ABAT: variants seen among roughly 807,000 people sequenced by gnomAD.
The protein encoded by ABAT is 4-aminobutyrate aminotransferase, mitochondrial.
In ABAT, 45 loss-of-function variants were observed where a neutral mutation model predicts 64.6. The observed-to-expected ratio is 0.70, with a 90% CI of 0.55 to 0.89. ABAT has a LOEUF of 0.89. ABAT is among the 40% of genes least tolerant of loss of function. The probability of loss-of-function intolerance (pLI) is 0.00; values close to 1 mark genes in which losing one functional copy is unlikely to be tolerated. For synonymous variants in ABAT, 297 were observed against 250.5 expected, an observed-to-expected ratio of 1.19 and a Z score of -1.75; for missense variants, 633 against 658.4, an observed-to-expected ratio of 0.96 and a Z score of 0.42.
At chr16:8,730,811 T>G (rs1476872221) in intron 1 of ABAT, among the ~76,000 whole-genome samples, 5 of 152,186 alleles carry the variant, frequency 3.3e-5, no homozygotes, top group Non-Finnish European at 5.9e-5. Context: ...AAGCCAGGAC[T>G]CCTGAGCCAG....
At chr16:8,768,525 G>A (rs753344688) in intron 10 of ABAT, among the ~76,000 whole-genome samples, 6 of 152,122 alleles carry the variant, frequency 3.9e-5, no homozygotes, top group African/African-American at 7.2e-5. Flanking sequence ...GTGATTAATC[G>A]CAATGCAAAC....
At position 8,696,279 on chromosome 16, in the gene ABAT, CA is replaced by C. The variant is rs762222496; in HGVS notation, c.-42+21569del. ...TTAAAGAAGGGCCAGGGTGACTGTG[CA>C]GGGGGACCCTGGGGAAGAAGGCTGA... On this transcript the variant is annotated intron_variant, in intron 1 of 15. Transcript: ENST00000268251. Among the ~76,000 whole-genome samples, 31 of 152,126 alleles carry C rather than the reference CA, an allele frequency of 2.0e-4. 1 individual carries two copies. The highest frequency in any genetic ancestry group is 3.1e-4 in the Non-Finnish European group (21 of 68,006).
intron 1 of ABAT, among the ~76,000 whole-genome samples, chr16:8,674,944 T>C (rs1730962): frequency 0.088 from 13,416 of 152,194 alleles, 750 homozygotes; most frequent in Middle Eastern, 0.13. Flanking sequence ...GCTCCAGCTC[T>C]AGACAGAAGT....
Position 8,777,131 on chromosome 16 carries a change from C to T in ABAT, c.1269+641C>T, listed in dbSNP as rs143545926. Reference sequence around the variant, plus strand: ...GGCCAGGCTGGTCTCGAACCCCCGACCTCAGGTGATCCGCTTGCCTCAGCC... The same window carrying T: ...GGCCAGGCTGGTCTCGAACCCCCGATCTCAGGTGATCCGCTTGCCTCAGCC... On this transcript the variant is annotated intron_variant, in intron 14 of 15. Coordinates refer to ENST00000268251, the MANE Select transcript of ABAT (RefSeq NM_020686.6). Among the ~76,000 whole-genome samples, 405 of 152,178 alleles carry T rather than the reference C, an allele frequency of 2.7e-3. 3 individuals carry two copies. Among genetic ancestry groups the T allele is most frequent in the Admixed American group, 0.018 (270 of 15,274 alleles).
chr16:8,679,988 C>A (rs1423880019), intron 1 of ABAT, among the ~76,000 whole-genome samples: 2 of 152,154 alleles, frequency 1.3e-5, no homozygotes, highest in African/African-American at 4.8e-5. Flanking sequence ...TCTAATTACA[C>A]ATCCCTTCAA....
intron 1 of ABAT, chr16:8,722,788 C>G (rs753054749): frequency 3.4e-5 from 44 of 1,288,014 alleles, no homozygotes; most frequent in Non-Finnish European, 4.4e-5. Context: ...CAGGGTCTAG[C>G]GGATTGCAAA....
At position 8,781,336 on chromosome 16, in the gene ABAT, A is replaced by C; in HGVS notation, c.1409A>C (p.Lys470Thr). ...GTGGTGTTGGGTGGCTGTGGTGACA[A>C]ATCCATTCGTTTCCGTCCCACGCTG... ...KGVVLGGCGDKSIRFRPTLVF... is the reference protein window; with the variant it reads ...KGVVLGGCGDTSIRFRPTLVF... The change falls in exon 16 of 16, where the codon AAA becomes ACA. Residue 470 changes from lysine (K) to threonine (T), a missense_variant. Lys to Thr is a moderately conservative substitution (Grantham distance 78). Coordinates refer to ENST00000268251, the MANE Select transcript of ABAT (RefSeq NM_020686.6). This position sits in a 1 kb window ranked among gnomAD's most constrained non-coding sequence, Gnocchi z 4.5. 1.9e-6 allele frequency: 3 copies of C among 1,614,082 alleles called. No individual in the cohort carries two copies. The highest frequency in any genetic ancestry group is 2.5e-6 in the Non-Finnish European group (3 of 1,180,010).
chr16:8,764,739 T>C lies in ABAT; in HGVS notation c.449T>C (p.Val150Ala). The change falls in exon 8 of 16, where the codon GTG becomes GCG. Residue 150 changes from valine to alanine, a missense_variant and splice_region_variant. By Grantham distance (64) the Val-to-Ala change is moderately conservative. Coordinates refer to ENST00000268251, the MANE Select transcript of ABAT (RefSeq NM_020686.6). The surrounding 1 kb of genome is among the most constrained non-coding windows in gnomAD (Gnocchi z 4.2). ...TCACGGCTATTTCCCTCCCCACAGG[T>C]GGCTCCCAAAGGGATGTCCCAGCTC... Reference protein sequence around the residue: ...VEKLRQSLLSVAPKGMSQLIT... With the variant: ...VEKLRQSLLSAAPKGMSQLIT... 4 of 1,613,978 alleles carry C rather than the reference T, an allele frequency of 2.5e-6. No homozygotes were observed. Among genetic ancestry groups the C allele is most frequent in the Non-Finnish European group, 3.4e-6 (4 of 1,179,930 alleles).
Position 8,782,964 on chromosome 16 carries a change from A to G in ABAT, c.*1534A>G, listed in dbSNP as rs2060474345. 1 of 152,074 alleles carries G rather than the reference A, an allele frequency of 6.6e-6. No individual in the cohort carries two copies. Among genetic ancestry groups the G allele is most frequent in the African/African-American group, 2.4e-5 (1 of 41,414 alleles). The allele number at this position is 152,074 out of a possible 1,614,324, so 9.4% of individuals were successfully genotyped here. ...TTTTTTTTAGCTTCCACTCTTCCGC[A>G]GACTTGGTCATCGACCTATTTTTGT... On this transcript the variant is annotated 3_prime_UTR_variant, in exon 16 of 16. Transcript: ENST00000268251.
chr16:8,722,785 T>C, intron 1 of ABAT: 1 of 1,288,414 alleles, frequency 7.8e-7, no homozygotes, highest in Non-Finnish European at 1.0e-6. Flanking sequence ...ATCCAGGGTC[T>C]AGCGGATTGC....
chr16:8,764,123 G>A lies in ABAT; in HGVS notation c.421G>A (p.Glu141Lys), dbSNP rs2059875175. 1.2e-6 allele frequency: 2 copies of A among 1,613,642 alleles called. No homozygotes were observed. Among genetic ancestry groups the A allele is most frequent in the Non-Finnish European group, 1.7e-6 (2 of 1,179,982 alleles). ...LGILPPENFV[E>K]KLRQSLLSVA... The stretch of plus-strand genomic sequence containing the variant: ...AATCCTGCCTCCGGAGAACTTTGTG[G>A]AGAAGCTCCGGCAGTCCTTGCTCTC... Residue 141 changes from glutamate to lysine, a missense_variant, in exon 7 of 16, where the codon GAG becomes AAG. Physicochemically the swap from Glu to Lys is moderately conservative, Grantham distance 56. Coordinates refer to ENST00000268251, the MANE Select transcript of ABAT (RefSeq NM_020686.6). This position sits in a 1 kb window ranked among gnomAD's most constrained non-coding sequence, Gnocchi z 4.2.
chr16:8,713,508 C>G (rs1176838178), intron 1 of ABAT: 1 of 199,632 alleles, frequency 5.0e-6, no homozygotes, highest in Non-Finnish European at 1.0e-5. Flanking sequence ...CTGTTTCTGT[C>G]TGAAAACCCT....
chr16:8,735,236 G>T (rs1004805715), intron 1 of ABAT, among the ~76,000 whole-genome samples: 44 of 150,752 alleles, frequency 2.9e-4, no homozygotes, highest in Non-Finnish European at 5.9e-4. Flanking sequence ...TTTTGGGTTG[G>T]TTTTTTTTGT....
At position 8,757,357 on chromosome 16, in the gene ABAT, G is replaced by A. The variant is rs111783567; in HGVS notation, c.317-400G>A. 40 of 359,114 alleles carry A rather than the reference G, an allele frequency of 1.1e-4. 1 individual carries two copies. Among genetic ancestry groups the A allele is most frequent in the African/African-American group, 6.6e-4 (31 of 46,884 alleles). The allele number at this position is 359,114 out of a possible 1,614,324, so 22.2% of individuals were successfully genotyped here. ...TAATTTTTGTATTTTTAGTAGAGAC[G>A]GGGATTCACCATGTTGGCCAGGCTG... On this transcript the variant is annotated intron_variant, in intron 5 of 15. Transcript: ENST00000268251.
At chr16:8,735,557 G>C (rs2058897640) in intron 1 of ABAT, 142 bp from the exon 2 acceptor site, 1 of 754,748 alleles carries the variant, frequency 1.3e-6, no homozygotes, top group Non-Finnish European at 2.2e-6. Flanking sequence ...AATATATAAA[G>C]TCCATGTTCA....
chr16:8,773,027 C>G, intron 12 of ABAT, 110 bp downstream of exon 12: 6 of 1,445,134 alleles, frequency 4.2e-6, no homozygotes, highest in Non-Finnish European at 5.8e-6. Context: ...AATCTCCAGA[C>G]TTGCAGAGGC....
chr16:8,763,034 C>T (rs902683916), intron 6 of ABAT, among the ~76,000 whole-genome samples: 1 of 149,050 alleles, frequency 6.7e-6, no homozygotes, highest in African/African-American at 2.5e-5. Flanking sequence ...ACTTGAGTCT[C>T]GGAGGTTGAG....
At position 8,779,705 on chromosome 16, in the gene ABAT, G is replaced by C. The variant is rs2060376501; in HGVS notation, c.1381+115G>C. 11 of 795,820 alleles carry C rather than the reference G, an allele frequency of 1.4e-5. No individual in the cohort carries two copies. The South Asian group carries it at 1.4e-4, about 10-fold the overall frequency. 49.3% of individuals were successfully genotyped at this position (795,820 alleles called of 1,614,324 possible). ...TTGTGTGGGGGGCAGGTGGTACACA[G>C]GTCTGAAAAGAGCCTGAATGCTCTT... On this transcript the variant is annotated intron_variant, in intron 15 of 15. Transcript: ENST00000268251.
At chr16:8,683,260 C>G (rs12921061) in intron 1 of ABAT, 1 of 152,828 alleles carries the variant, frequency 6.5e-6, no homozygotes, top group East Asian at 1.9e-4. Context: ...ATCCACTGAG[C>G]AGGGCGGCAC....
Sources: allele counts gnomAD v4.1 joint callset (sites outside exome capture counted in the v4.1 genomes callset), GRCh38; gene constraint gnomAD v4.1.1; non-coding constraint Gnocchi (gnomAD v3.1); transcripts MANE v1.5; gene names NCBI Gene and HGNC (gene_info 2026-07-23, HGNC 2026-07-21).